KCND2: variants seen among roughly 807,000 people sequenced by gnomAD.
KCND2 encodes the protein A-type voltage-gated potassium channel KCND2.
A neutral mutation model predicts 54.4 loss-of-function variants in KCND2; 16 were observed. The observed-to-expected ratio is 0.29, with a 90% CI of 0.20 to 0.45. The LOEUF (loss-of-function observed/expected upper bound fraction) is 0.45. Among genes scored for constraint, KCND2 ranks in the 20% least tolerant of loss-of-function variants. The pLI is 1.00. For missense variants in KCND2, 486 were observed against 824.2 expected (o/e 0.59, Z 5.02); for synonymous variants, 317 against 310.7 (o/e 1.02, Z -0.21).
chr7:120,376,639 A>G (rs771179522), intron 1 of KCND2, among the ~76,000 whole-genome samples: 1 of 151,658 alleles, frequency 6.6e-6, no homozygotes, highest in Non-Finnish European at 1.5e-5. Flanking sequence ...TCTTTGAAAT[A>G]TTGAACTGAA....
chr7:120,628,901 T>C (rs1360913384), intron 1 of KCND2, among the ~76,000 whole-genome samples: 1 of 152,250 alleles, frequency 6.6e-6, no homozygotes, highest in Non-Finnish European at 1.5e-5. Context: ...CACTGTTTTA[T>C]CTGTCGATGA....
chr7:120,360,648 G>A (rs1800579312), intron 1 of KCND2, among the ~76,000 whole-genome samples: 1 of 152,000 alleles, frequency 6.6e-6, no homozygotes, highest in Admixed American at 6.6e-5. Context: ...TTGGGACAGA[G>A]CAAAGTTGTA....
At chr7:120,634,203 G>T (rs980004654) in intron 1 of KCND2, among the ~76,000 whole-genome samples, 5 of 152,090 alleles carry the variant, frequency 3.3e-5, no homozygotes, top group African/African-American at 7.2e-5. Context: ...AGCCTTAGCT[G>T]CTTGAGGATG....
chr7:120,374,974 C>G (rs1317819726), intron 1 of KCND2, among the ~76,000 whole-genome samples: 1 of 151,842 alleles, frequency 6.6e-6, no homozygotes, highest in African/African-American at 2.4e-5. Flanking sequence ...AGGAGCTAGT[C>G]AAATCTCTGC....
chr7:120,640,330 T>C (rs1025331973), intron 1 of KCND2, among the ~76,000 whole-genome samples: 1 of 152,238 alleles, frequency 6.6e-6, no homozygotes, highest in Non-Finnish European at 1.5e-5. Flanking sequence ...TCAATAAATA[T>C]ACGTTAAGAA....
At position 120,384,998 on chromosome 7, in the gene KCND2, CT is replaced by C. The variant is rs372225817; in HGVS notation, c.1115+109275del. 2.6e-3 allele frequency among the ~76,000 whole-genome samples: 213 copies of C among 82,496 alleles called. 1 individual carries two copies. The highest frequency in any genetic ancestry group is 9.5e-3 in the African/African-American group (196 of 20,624). The allele number at this position is 82,496 out of a possible 152,430, so 54.1% of individuals were successfully genotyped here. On this transcript the variant is annotated intron_variant, in intron 1 of 5. Transcript: ENST00000331113. ...TGTAAACAAAGGCATTTGTATATAA[CT>C]TTTTTTTTTTTTTTTTTTTTTTTCT... is the stretch of plus-strand genomic sequence containing the variant.
At chr7:120,328,022 T>C (rs189057418) in intron 1 of KCND2, among the ~76,000 whole-genome samples, 12 of 152,136 alleles carry the variant, frequency 7.9e-5, no homozygotes, top group Admixed American at 2.0e-4. Flanking sequence ...CAGCACATAA[T>C]CACCTATGGA....
At chr7:120,738,503 A>T (rs980917523) in intron 2 of KCND2, among the ~76,000 whole-genome samples, 1 of 152,070 alleles carries the variant, frequency 6.6e-6, no homozygotes. Flanking sequence ...CAAATAAATT[A>T]TTTGAAAATA....
At chr7:120,433,597 C>T (rs1328961697) in intron 1 of KCND2, among the ~76,000 whole-genome samples, 1 of 152,126 alleles carries the variant, frequency 6.6e-6, no homozygotes, top group African/African-American at 2.4e-5. Context: ...ACATCGCATC[C>T]CTGACAACCA....
rs914085887 is a variant in KCND2 at position 120,273,609 on chromosome 7, G to C, written c.-1024G>C. On this transcript the variant is annotated 5_prime_UTR_variant, in exon 1 of 6. Transcript: ENST00000331113. ...AGGAGGAGGGAGGCACGGAGGGATG[G>C]GGGAAGGGAAAGAAGAGCTCGCTTG... The C allele has an allele frequency of 6.5e-6, 1 of 152,778 alleles. No homozygotes were observed. The highest frequency in any genetic ancestry group is 1.5e-5 in the Non-Finnish European group (1 of 68,318). The allele number at this position is 152,778 out of a possible 1,614,324, so 9.5% of individuals were successfully genotyped here.
At chr7:120,307,228 T>G (rs1799661173) in intron 1 of KCND2, among the ~76,000 whole-genome samples, 1 of 152,068 alleles carries the variant, frequency 6.6e-6, no homozygotes, top group South Asian at 2.1e-4. Flanking sequence ...AAAAAAAACC[T>G]TCACATCAAA....
At chr7:120,608,367 T>G (rs1254275305) in intron 1 of KCND2, among the ~76,000 whole-genome samples, 1 of 152,096 alleles carries the variant, frequency 6.6e-6, no homozygotes, top group Admixed American at 6.6e-5. Flanking sequence ...GAAATAGGAA[T>G]ATAGACAAAG....
At chr7:120,356,682 A>G (rs1364047889) in intron 1 of KCND2, among the ~76,000 whole-genome samples, 1 of 152,032 alleles carries the variant, frequency 6.6e-6, no homozygotes, top group Non-Finnish European at 1.5e-5. Context: ...AACAACCACA[A>G]TTTCCATTTC....
intron 1 of KCND2, among the ~76,000 whole-genome samples, chr7:120,504,395 A>G (rs1802984222): frequency 6.6e-6 from 1 of 151,954 alleles, no homozygotes; most frequent in Admixed American, 6.6e-5. Context: ...AAACCTTAAA[A>G]TTATAAACTC....
intron 1 of KCND2, among the ~76,000 whole-genome samples, chr7:120,641,754 C>T (rs371669969): frequency 9.0e-4 from 117 of 129,818 alleles, no homozygotes; most frequent in African/African-American, 1.5e-3. Flanking sequence ...CAAGCATATT[C>T]TTTTTTTTTT....
intron 1 of KCND2, among the ~76,000 whole-genome samples, chr7:120,596,173 G>T (rs1562883436): frequency 1.3e-5 from 2 of 152,050 alleles, no homozygotes; most frequent in African/African-American, 4.8e-5. Flanking sequence ...TGTAGGTAAG[G>T]ATATATCCAA....
At chr7:120,376,454 T>A (rs913842079) in intron 1 of KCND2, among the ~76,000 whole-genome samples, 5 of 151,118 alleles carry the variant, frequency 3.3e-5, no homozygotes, top group Admixed American at 2.0e-4. Context: ...TTACAGTTTT[T>A]AAAATATTTT....
intron 1 of KCND2, among the ~76,000 whole-genome samples, chr7:120,530,269 TATCTC>T (rs1388886154): frequency 6.6e-6 from 1 of 152,156 alleles, no homozygotes; most frequent in East Asian, 1.9e-4. Flanking sequence ...TATGTCAAAA[TATCTC>T]ATGTAACTCA....
intron 1 of KCND2, among the ~76,000 whole-genome samples, chr7:120,704,236 G>A (rs560265921): frequency 6.6e-6 from 1 of 152,148 alleles, no homozygotes; most frequent in African/African-American, 2.4e-5. Context: ...CAACCATAAC[G>A]TAGCCAAGGA....
Sources: allele counts gnomAD v4.1 joint callset (sites outside exome capture counted in the v4.1 genomes callset), GRCh38; gene constraint gnomAD v4.1.1; transcripts MANE v1.5; gene names NCBI Gene and HGNC (gene_info 2026-07-23, HGNC 2026-07-21).